Variants in ATP8A2 observed in about 807,000 individuals in gnomAD.
ATP8A2 encodes ATPase phospholipid transporting 8A2, also known as phospholipid-transporting ATPase IB.
A neutral mutation model predicts 165.6 loss-of-function variants in ATP8A2; 100 were observed. That is an observed-to-expected ratio of 0.60 (90% CI 0.51 to 0.71). ATP8A2 has a LOEUF of 0.71. Ranked by LOEUF, ATP8A2 falls within the 30% of genes least tolerant of loss-of-function variation. ATP8A2 has a pLI of 0.00. For missense variants in ATP8A2, 1,227 were observed against 1,479.5 expected, an observed-to-expected ratio of 0.83 and a Z score of 2.80; for synonymous variants, 543 against 548.8, an observed-to-expected ratio of 0.99 and a Z score of 0.15.
chr13:25,833,932 T>C (rs1566185350), intron 28 of ATP8A2, among the ~76,000 whole-genome samples: 1 of 152,194 alleles, frequency 6.6e-6, no homozygotes, highest in Non-Finnish European at 1.5e-5. Context: ...TCTGTTCTAC[T>C]CAAAGAACTC....
At chr13:25,898,932 C>T (rs889632229) in intron 33 of ATP8A2, among the ~76,000 whole-genome samples, 47 of 152,194 alleles carry the variant, frequency 3.1e-4, no homozygotes, top group African/African-American at 9.7e-4. Flanking sequence ...GTTTGTCACC[C>T]CTTTCTTTGA....
At chr13:25,508,856 A>G (rs891992997) in intron 2 of ATP8A2, among the ~76,000 whole-genome samples, 11 of 152,342 alleles carry the variant, frequency 7.2e-5, no homozygotes, top group African/African-American at 2.4e-4. Flanking sequence ...GCATAATTTA[A>G]TAGACTTGAG....
intron 24 of ATP8A2, among the ~76,000 whole-genome samples, chr13:25,666,070 C>G (rs549752811): frequency 1.7e-4 from 26 of 151,796 alleles, no homozygotes; most frequent in African/African-American, 6.3e-4. Flanking sequence ...CAGGGCAATG[C>G]TAGTTTACTT....
intron 24 of ATP8A2, among the ~76,000 whole-genome samples, chr13:25,650,451 T>C (rs973183871): frequency 1.3e-5 from 2 of 152,202 alleles, no homozygotes; most frequent in South Asian, 4.1e-4. Context: ...TTTTTAAATG[T>C]AAACAAAAAT....
intron 33 of ATP8A2, among the ~76,000 whole-genome samples, chr13:25,946,122 C>T (rs575328862): frequency 7.9e-5 from 12 of 152,112 alleles, no homozygotes; most frequent in South Asian, 2.1e-4. Context: ...TTTTGAGTGT[C>T]GCAGTCTAAG....
chr13:26,012,625 G>C lies in ATP8A2; in HGVS notation c.3469+3G>C. 2 of 1,480,846 alleles carry C rather than the reference G, an allele frequency of 1.4e-6. No individual in the cohort carries two copies. The highest frequency in any genetic ancestry group is 1.8e-6 in the Non-Finnish European group (2 of 1,115,240). 91.7% of individuals were successfully genotyped at this position (1,480,846 alleles called of 1,614,324 possible). A position where few individuals can be genotyped will look rare whatever the true frequency, so the allele number is the denominator to read the frequency against. On this transcript the variant is annotated splice_donor_region_variant and intron_variant, in intron 36 of 36. Transcript: ENST00000381655. ...CTCCCTGCAGCAGGGCGTCCCGCGT[G>C]AGTACCGCGGGCGGGGGCTGATGGA... is the stretch of plus-strand genomic sequence containing the variant.
At chr13:25,996,582 C>T (rs1425623430) in intron 35 of ATP8A2, among the ~76,000 whole-genome samples, 1 of 151,654 alleles carries the variant, frequency 6.6e-6, no homozygotes, top group Admixed American at 6.6e-5. Flanking sequence ...TAGAGTGTGG[C>T]GGTGTGATCT....
chr13:25,622,481 T>C (rs2040995400), intron 24 of ATP8A2, among the ~76,000 whole-genome samples: 1 of 152,140 alleles, frequency 6.6e-6, no homozygotes, highest in Admixed American at 6.5e-5. Flanking sequence ...TTCTGTCCTC[T>C]CTCCTCTGCC....
intron 24 of ATP8A2, among the ~76,000 whole-genome samples, chr13:25,623,185 A>G (rs2041016370): frequency 6.6e-6 from 1 of 152,176 alleles, no homozygotes. Flanking sequence ...GGAATTCAAG[A>G]CCACCTGGGC....
intron 33 of ATP8A2, among the ~76,000 whole-genome samples, chr13:25,899,175 C>T (rs1205413650): frequency 6.6e-6 from 1 of 152,210 alleles, no homozygotes; most frequent in Non-Finnish European, 1.5e-5. Context: ...TTGGCTCCAC[C>T]CCAAGTCCAG....
intron 24 of ATP8A2, among the ~76,000 whole-genome samples, chr13:25,683,388 CG>C (rs2042535646): frequency 6.6e-6 from 1 of 152,116 alleles, no homozygotes; most frequent in South Asian, 2.1e-4. Context: ...TGCGTGATTT[CG>C]TAGTAGAGTC....
At chr13:25,912,179 CACACACACACACACACAG>C (rs990392741) in intron 33 of ATP8A2, among the ~76,000 whole-genome samples, 3 of 147,538 alleles carry the variant, frequency 2.0e-5, no homozygotes, top group African/African-American at 8.0e-5. Context: ...CACACACACA[CACACACACACACACACAG>C]TGGAATAGTC....
chr13:25,549,593 G>T (rs1220235795), intron 10 of ATP8A2, among the ~76,000 whole-genome samples: 6 of 151,964 alleles, frequency 3.9e-5, no homozygotes, highest in Admixed American at 3.3e-4. Context: ...CCCAGGAATG[G>T]ATTATAAATA....
Position 26,020,111 on chromosome 13 carries a change from T to C in ATP8A2, c.*126T>C. 3 of 706,862 alleles carry C rather than the reference T, an allele frequency of 4.2e-6. No homozygotes were observed. The highest frequency in any genetic ancestry group is 7.3e-6 in the Non-Finnish European group (3 of 413,746). The allele number at this position is 706,862 out of a possible 1,614,324, so 43.8% of individuals were successfully genotyped here. A position where few individuals can be genotyped will look rare whatever the true frequency, so the allele number is the denominator to read the frequency against. ...ACCAGGAAACACATTTCTGTGGCCT[T>C]AGCCAAGCAGTTTGTTAGTTACATA... On this transcript the variant is annotated 3_prime_UTR_variant, in exon 37 of 37. Transcript: ENST00000381655.
intron 24 of ATP8A2, among the ~76,000 whole-genome samples, chr13:25,695,905 A>G (rs2042824846): frequency 6.6e-6 from 1 of 152,214 alleles, no homozygotes. Flanking sequence ...GTTCTTAGTG[A>G]CATCTAAAAT....
At chr13:25,785,755 C>A (rs1204947077) in intron 27 of ATP8A2, among the ~76,000 whole-genome samples, 1 of 152,070 alleles carries the variant, frequency 6.6e-6, no homozygotes, top group African/African-American at 2.4e-5. Flanking sequence ...GATAGAAAGC[C>A]CAAGATCAAG....
chr13:25,431,011 CAT>C (rs1187665145), intron 1 of ATP8A2, among the ~76,000 whole-genome samples: 10 of 150,986 alleles, frequency 6.6e-5, no homozygotes, highest in African/African-American at 2.2e-4. Flanking sequence ...CACACACACA[CAT>C]ATATATACAC....
At chr13:25,823,720 G>A (rs763088465) in intron 27 of ATP8A2, among the ~76,000 whole-genome samples, 20 of 152,106 alleles carry the variant, frequency 1.3e-4, no homozygotes, top group South Asian at 2.1e-4. Context: ...GGACATGTGT[G>A]GGTATTGATC....
At chr13:25,582,291 C>T (rs1461004753) in intron 23 of ATP8A2, among the ~76,000 whole-genome samples, 2 of 152,284 alleles carry the variant, frequency 1.3e-5, no homozygotes, top group African/African-American at 4.8e-5. Context: ...TTTAAATATG[C>T]GTTATTATTT....
Sources: gnomAD v4.1 joint callset for allele counts (sites outside exome capture counted in the v4.1 genomes callset) on GRCh38, gnomAD v4.1.1 for gene constraint, MANE v1.5 for transcripts, NCBI Gene and HGNC (gene_info 2026-07-23, HGNC 2026-07-21) for gene names.